The following MAST4 variants were observed in gnomAD, a reference collection of about 807,000 sequenced individuals.
MAST4 encodes the protein microtubule-associated serine/threonine-protein kinase 4.
Under a neutral mutation model 162.7 loss-of-function variants are expected in MAST4, and 89 were observed. The ratio of observed to expected loss-of-function variants is 0.55; its 90% CI spans 0.46 to 0.65. MAST4 has a LOEUF of 0.65. Among genes scored for constraint, MAST4 ranks in the 30% least tolerant of loss-of-function variants. The probability of loss-of-function intolerance (pLI) is 0.00; values close to 1 mark genes in which losing one functional copy is unlikely to be tolerated. For missense variants in MAST4, 3,153 were observed against 3,374.0 expected, an observed-to-expected ratio of 0.93 and a Z score of 1.62; for synonymous variants, 1,479 against 1,361.1, an observed-to-expected ratio of 1.09 and a Z score of -1.91.
chr5:67,007,100 A>T (rs1055515288), intron 4 of MAST4, among the ~76,000 whole-genome samples: 1 of 152,180 alleles, frequency 6.6e-6, no homozygotes, highest in Non-Finnish European at 1.5e-5. Context: ...TCAGAAGGCT[A>T]GGTATCCTCA....
intron 4 of MAST4, among the ~76,000 whole-genome samples, chr5:66,982,606 G>A (rs1338084380): frequency 6.6e-6 from 1 of 152,152 alleles, no homozygotes; most frequent in Non-Finnish European, 1.5e-5. Context: ...TGTTCCCCTT[G>A]AGAATGTCAT....
chr5:67,128,236 A>T (rs939046976), intron 14 of MAST4, among the ~76,000 whole-genome samples: 5 of 152,162 alleles, frequency 3.3e-5, no homozygotes, highest in African/African-American at 9.7e-5. Context: ...TTAATATCAA[A>T]TCTGGCCAGC....
intron 4 of MAST4, among the ~76,000 whole-genome samples, chr5:66,971,497 C>T (rs1241993593): frequency 1.3e-5 from 2 of 152,158 alleles, no homozygotes; most frequent in Non-Finnish European, 2.9e-5. Context: ...GGATTCCTCA[C>T]CCCGTTTGCA....
chr5:67,063,386 G>C (rs1015551269), intron 5 of MAST4, among the ~76,000 whole-genome samples: 1 of 152,210 alleles, frequency 6.6e-6, no homozygotes, highest in African/African-American at 2.4e-5. Context: ...CATCTGCCCT[G>C]TGCCCTTCAT....
chr5:66,634,301 C>T (rs754138537), intron 1 of MAST4, among the ~76,000 whole-genome samples: 18 of 152,244 alleles, frequency 1.2e-4, no homozygotes, highest in African/African-American at 1.7e-4. Context: ...TCAGGTGATC[C>T]GCCTGCCTTG....
intron 4 of MAST4, among the ~76,000 whole-genome samples, chr5:66,915,603 G>A (rs13162618): frequency 0.033 from 4,997 of 152,296 alleles, 152 homozygotes; most frequent in African/African-American, 0.076. Context: ...GTACTTTTCA[G>A]TACAAGTAAT....
chr5:66,974,453 A>C (rs1227100620), intron 4 of MAST4, among the ~76,000 whole-genome samples: 1 of 152,216 alleles, frequency 6.6e-6, no homozygotes, highest in Non-Finnish European at 1.5e-5. Context: ...AGGGGTTTAC[A>C]GATGTTTGTC....
At chr5:67,129,020 A>T (rs1326716843) in intron 14 of MAST4, among the ~76,000 whole-genome samples, 1 of 152,120 alleles carries the variant, frequency 6.6e-6, no homozygotes, top group Non-Finnish European at 1.5e-5. Flanking sequence ...TCTTTACTTT[A>T]TCCCAAGCCT....
chr5:66,695,886 T>C (rs183727479), intron 1 of MAST4, among the ~76,000 whole-genome samples: 2 of 152,320 alleles, frequency 1.3e-5, no homozygotes, highest in Admixed American at 1.3e-4. Context: ...CATTCTATTA[T>C]AAAGATACAT....
At chr5:66,739,070 A>G (rs1199431731) in intron 1 of MAST4, among the ~76,000 whole-genome samples, 2 of 152,150 alleles carry the variant, frequency 1.3e-5, no homozygotes, top group Admixed American at 1.3e-4. Flanking sequence ...ATCAAGCAAA[A>G]AAGGCCATCA....
At chr5:66,700,781 TTATATATA>T (rs60991449) in intron 1 of MAST4, among the ~76,000 whole-genome samples, 3 of 142,782 alleles carry the variant, frequency 2.1e-5, no homozygotes, top group East Asian at 2.0e-4. Flanking sequence ...AAAAAAAAAA[TTATATATA>T]TATATATATA....
At chr5:67,015,514 A>C (rs960168791) in intron 4 of MAST4, among the ~76,000 whole-genome samples, 6 of 152,202 alleles carry the variant, frequency 3.9e-5, no homozygotes, top group African/African-American at 1.4e-4. Flanking sequence ...TAAGGCTATT[A>C]GACAAAAGTA....
chr5:66,749,384 A>G (rs1435721678), intron 1 of MAST4, among the ~76,000 whole-genome samples: 1 of 152,206 alleles, frequency 6.6e-6, no homozygotes, highest in Non-Finnish European at 1.5e-5. Context: ...AGCATAGGCG[A>G]TCACACCCTA....
chr5:66,718,415 G>T (rs186484794), intron 1 of MAST4, among the ~76,000 whole-genome samples: 1 of 152,110 alleles, frequency 6.6e-6, no homozygotes, highest in African/African-American at 2.4e-5. Flanking sequence ...TGAACCTGAG[G>T]ACCCCATGAG....
chr5:66,694,153 C>G (rs1749241248), intron 1 of MAST4, among the ~76,000 whole-genome samples: 1 of 152,116 alleles, frequency 6.6e-6, no homozygotes, highest in Admixed American at 6.5e-5. Flanking sequence ...TTACATGGGA[C>G]CCACCCTGGA....
At chr5:66,694,345 T>G (rs995863727) in intron 1 of MAST4, among the ~76,000 whole-genome samples, 5 of 152,188 alleles carry the variant, frequency 3.3e-5, no homozygotes, top group African/African-American at 1.2e-4. Context: ...TCCCTCTCCC[T>G]TAGCTCATAT....
chr5:66,916,501 A>G (rs1764129284), intron 4 of MAST4, among the ~76,000 whole-genome samples: 1 of 152,266 alleles, frequency 6.6e-6, no homozygotes, highest in Admixed American at 6.5e-5. Context: ...TTATGAAATT[A>G]CTATTGTGCT....
chr5:66,819,241 C>G (rs189158673), intron 3 of MAST4, among the ~76,000 whole-genome samples: 12 of 152,100 alleles, frequency 7.9e-5, no homozygotes, highest in Non-Finnish European at 1.6e-4. Context: ...GAACATCTAG[C>G]CTTCTGCATT....
intron 4 of MAST4, among the ~76,000 whole-genome samples, chr5:66,945,507 A>G (rs1428678770): frequency 1.3e-5 from 2 of 152,100 alleles, no homozygotes; most frequent in African/African-American, 4.8e-5. Context: ...CCTGTGCCCC[A>G]TGAAGGTAAC....
Sources: gnomAD v4.1 joint callset for allele counts (sites outside exome capture counted in the v4.1 genomes callset) on GRCh38, gnomAD v4.1.1 for gene constraint, MANE v1.5 for transcripts, NCBI Gene and HGNC (gene_info 2026-07-23, HGNC 2026-07-21) for gene names.